KATNIP: variants seen among roughly 807,000 people sequenced by gnomAD.
The protein encoded by KATNIP is katanin interacting protein.
KATNIP carries 126 observed loss-of-function variants against 174.0 expected under a neutral mutation model. The ratio of observed to expected loss-of-function variants is 0.72; its 90% CI spans 0.63 to 0.84. The LOEUF is 0.84. Among genes scored for constraint, KATNIP ranks in the 40% least tolerant of loss-of-function variants. KATNIP has a pLI of 0.00. For synonymous variants in KATNIP, 810 were observed against 835.7 expected (o/e 0.97, Z 0.53); for missense variants, 1,958 against 2,109.7 (o/e 0.93, Z 1.41).
Position 27,738,468 on chromosome 16 carries a change from T to C in KATNIP, c.1744-1573T>C, listed in dbSNP as rs2080979774. 2.6e-5 allele frequency among the ~76,000 whole-genome samples: 4 copies of C among 152,268 alleles called. No individual in the cohort carries two copies. The South Asian group carries it at 8.3e-4, about 32-fold the overall frequency. On this transcript the variant is annotated intron_variant, in intron 14 of 27. Coordinates refer to ENST00000261588, the MANE Select transcript of KATNIP (RefSeq NM_015202.5). ...CCCCGATAAAGCTGGAAAAAGAGTT[T>C]TGCTGTAAAGAGGATGACACAAGTG...
chr16:27,741,009 C>A, intron 15 of KATNIP, 89 bp downstream of exon 15: 2 of 1,294,882 alleles, frequency 1.5e-6, no homozygotes, highest in Admixed American at 2.5e-5. Context: ...ACCTCAGTTT[C>A]CTTATCTGCA....
intron 5 of KATNIP, 32 bp downstream of exon 5, chr16:27,631,194 A>G: frequency 1.4e-6 from 2 of 1,476,512 alleles, no homozygotes; most frequent in African/African-American, 1.4e-5. Context: ...CCCACGCTTT[A>G]GAATACAGAG....
At chr16:27,758,146 C>T (rs1277466860) in intron 18 of KATNIP, among the ~76,000 whole-genome samples, 1 of 152,138 alleles carries the variant, frequency 6.6e-6, no homozygotes, top group Admixed American at 6.5e-5. Context: ...AGATTGTAGG[C>T]TTGGGAGAGA....
At chr16:27,716,870 A>G (rs1378352015) in intron 13 of KATNIP, among the ~76,000 whole-genome samples, 1 of 152,044 alleles carries the variant, frequency 6.6e-6, no homozygotes, top group Non-Finnish European at 1.5e-5. Flanking sequence ...TTTGAGACGA[A>G]GTCTCACACT....
intron 2 of KATNIP, among the ~76,000 whole-genome samples, chr16:27,610,367 A>T (rs1197558487): frequency 6.6e-6 from 1 of 152,136 alleles, no homozygotes; most frequent in Non-Finnish European, 1.5e-5. Context: ...TGGGGCTTTG[A>T]AGATGACTCC....
Position 27,779,780 on chromosome 16 carries a change from T to TC in KATNIP, c.*1154dup, listed in dbSNP as rs1325218712. The TC allele has an allele frequency of 6.6e-6, 1 of 152,228 alleles. No homozygotes were observed. The highest frequency in any genetic ancestry group is 1.5e-5 in the Non-Finnish European group (1 of 68,076). 9.4% of individuals were successfully genotyped at this position (152,228 alleles called of 1,614,324 possible). ...GCTCGGATCAGGGACCTAATTGGTTTCCCAGTAGTGGGTAATTTCTCGTTG... is the reference window on the plus strand; with the variant it reads ...GCTCGGATCAGGGACCTAATTGGTTTCCCCAGTAGTGGGTAATTTCTCGTTG... On this transcript the variant is annotated 3_prime_UTR_variant, in exon 28 of 28. Coordinates refer to ENST00000261588, the MANE Select transcript of KATNIP (RefSeq NM_015202.5).
chr16:27,734,119 T>A (rs140829406), intron 14 of KATNIP, among the ~76,000 whole-genome samples: 1 of 151,692 alleles, frequency 6.6e-6, no homozygotes, highest in East Asian at 1.9e-4. Context: ...GTTTCCCTCT[T>A]TTGCCCAGGC....
rs1410706191 is a variant in KATNIP at position 27,777,811 on chromosome 16, A to G, written c.4712+41A>G. On this transcript the variant is annotated intron_variant, in intron 26 of 27. Transcript: ENST00000261588. This position sits in a 1 kb window ranked among gnomAD's most constrained non-coding sequence, Gnocchi z 4.4. ...GCCCCATGGCCTCCCCACCAGCCCT[A>G]AGGAGGATGGATGGCTGGGACACAC... The G allele has an allele frequency of 5.6e-6, 9 of 1,613,072 alleles. No homozygotes were observed. Among genetic ancestry groups the G allele is most frequent in the African/African-American group, 4.0e-5 (3 of 75,054 alleles).
In KATNIP at chr16:27,779,877, A is replaced by T. The variant is rs1311476516; in HGVS notation, c.*1248A>T. 1 of 152,184 alleles carries T rather than the reference A, an allele frequency of 6.6e-6. No individual in the cohort carries two copies. Among genetic ancestry groups the T allele is most frequent in the Non-Finnish European group, 1.5e-5 (1 of 68,044 alleles). 9.4% of individuals were successfully genotyped at this position (152,184 alleles called of 1,614,324 possible). On this transcript the variant is annotated 3_prime_UTR_variant, in exon 28 of 28. Transcript: ENST00000261588. ...AGTACTGTACTCGAGGTACGTTCCT[A>T]TGCAACCGAGAGCCCCGGCAAATAC...
At chr16:27,628,950 T>C in intron 4 of KATNIP, 120 bp downstream of exon 4, 2 of 1,022,640 alleles carry the variant, frequency 2.0e-6, no homozygotes, top group South Asian at 3.0e-5. Context: ...GGTGGATCAC[T>C]TGAGGCCAAG....
chr16:27,618,885 T>C (rs1388679743), intron 3 of KATNIP, among the ~76,000 whole-genome samples: 1 of 152,220 alleles, frequency 6.6e-6, no homozygotes, highest in East Asian at 1.9e-4. Context: ...TGTCGTGTTA[T>C]GCAAAAATGG....
intron 15 of KATNIP, among the ~76,000 whole-genome samples, chr16:27,749,163 C>G (rs2081397767): frequency 6.6e-6 from 1 of 152,228 alleles, no homozygotes; most frequent in African/African-American, 2.4e-5. Flanking sequence ...GTTTCTAACA[C>G]AGCCAAGTAG....
intron 1 of KATNIP, among the ~76,000 whole-genome samples, chr16:27,571,026 TTTTG>T (rs919426835): frequency 5.9e-5 from 9 of 152,170 alleles, no homozygotes; most frequent in South Asian, 2.1e-4. Flanking sequence ...ATATTTTGGT[TTTTG>T]TTTGTTTGTT....
chr16:27,610,574 C>G (rs1360067109), intron 2 of KATNIP, among the ~76,000 whole-genome samples: 5 of 152,126 alleles, frequency 3.3e-5, no homozygotes, highest in Admixed American at 2.6e-4. Context: ...GATCCCTAGA[C>G]AGTGTGTGGT....
intron 14 of KATNIP, among the ~76,000 whole-genome samples, chr16:27,730,132 C>T (rs907914308): frequency 3.3e-5 from 5 of 152,270 alleles, no homozygotes; most frequent in Non-Finnish European, 7.3e-5. Context: ...TTCAGGGGAG[C>T]AGCCATGACT....
chr16:27,768,092 T>G (rs1276091955), intron 20 of KATNIP, among the ~76,000 whole-genome samples: 1 of 145,680 alleles, frequency 6.9e-6, no homozygotes, highest in Non-Finnish European at 1.5e-5. Flanking sequence ...GAGGTGGGGG[T>G]GGGGGGGAAT....
At position 27,661,993 on chromosome 16, in the gene KATNIP, CATATA is replaced by C. The variant is rs1489322357; in HGVS notation, c.540+13259_540+13263del. Reference sequence around the variant, plus strand: ...ATATATATATATATATATACACATACATATATATATATATATATATATACACATAC... The same window carrying C: ...ATATATATATATATATATACACATACTATATATATATATATATACACATAC... On this transcript the variant is annotated intron_variant, in intron 6 of 27. Transcript: ENST00000261588. Among the ~76,000 whole-genome samples the C allele has an allele frequency of 1.5e-3, 8 of 5,500 alleles. 3 individuals carry two copies. The highest frequency in any genetic ancestry group is 8.7e-3 in the African/African-American group (8 of 924). 3.6% of individuals were successfully genotyped at this position (5,500 alleles called of 152,430 possible). A position where few individuals can be genotyped will look rare whatever the true frequency, so the allele number is the denominator to read the frequency against.
At chr16:27,681,967 C>T (rs1315016333) in intron 8 of KATNIP, among the ~76,000 whole-genome samples, 1 of 152,204 alleles carries the variant, frequency 6.6e-6, no homozygotes, top group Non-Finnish European at 1.5e-5. Flanking sequence ...CCTTCAGAAA[C>T]ACTCAGAATA....
chr16:27,618,648 C>G, intron 3 of KATNIP, 147 bp downstream of exon 3: 1 of 599,288 alleles, frequency 1.7e-6, no homozygotes, highest in Non-Finnish European at 3.0e-6. Flanking sequence ...ATCTGCAACC[C>G]CAGCTCCTAT....
Sources: allele counts gnomAD v4.1 joint callset (sites outside exome capture counted in the v4.1 genomes callset), GRCh38; gene constraint gnomAD v4.1.1; non-coding constraint Gnocchi (gnomAD v3.1); transcripts MANE v1.5; gene names NCBI Gene and HGNC (gene_info 2026-07-23, HGNC 2026-07-21).